RARB: variants seen among roughly 807,000 people sequenced by gnomAD.
RARB encodes HBV-activated protein.
Under a neutral mutation model 51.9 loss-of-function variants are expected in RARB, and 17 were observed. The observed-to-expected ratio is 0.33, with a 90% confidence interval of 0.22 to 0.49. RARB has a LOEUF of 0.49. RARB is among the 20% of genes least tolerant of loss of function. RARB has a pLI of 0.99. For missense variants in RARB, 369 were observed against 550.8 expected, an observed-to-expected ratio of 0.67 and a Z score of 3.30; for synonymous variants, 215 against 195.4, an observed-to-expected ratio of 1.10 and a Z score of -0.84.
At chr3:25,415,258 A>G (rs570886796) in intron 5 of RARB, among the ~76,000 whole-genome samples, 1 of 152,306 alleles carries the variant, frequency 6.6e-6, no homozygotes, top group East Asian at 1.9e-4. Context: ...TGCCATATCT[A>G]AAAAATCATT....
chr3:25,578,820 A>G (rs1035838451), intron 4 of RARB, among the ~76,000 whole-genome samples: 1 of 152,230 alleles, frequency 6.6e-6, no homozygotes, highest in Non-Finnish European at 1.5e-5. Flanking sequence ...AGCAAGAGCT[A>G]GTTTTATTCA....
chr3:25,014,311 C>T lies in RARB; in HGVS notation c.-379-45814C>T, dbSNP rs573715629. Among the ~76,000 whole-genome samples, 20 of 151,954 alleles carry T rather than the reference C, an allele frequency of 1.3e-4. No homozygotes were observed. In the East Asian group the frequency reaches 1.4e-3, roughly 10 times the overall value. On this transcript the variant is annotated intron_variant, in intron 2 of 11. Coordinates refer to the RARB transcript ENST00000383772. ...GGTTCATGTTGTGCCAGTTCTGGGC[C>T]GAGGCCTCAAGAGTCTTGGAAGCTC...
At chr3:25,400,703 A>G (rs1342405976) in intron 5 of RARB, among the ~76,000 whole-genome samples, 3 of 152,150 alleles carry the variant, frequency 2.0e-5, no homozygotes, top group Non-Finnish European at 4.4e-5. Context: ...AGTTCCTGGC[A>G]TATAGAATAA....
intron 5 of RARB, among the ~76,000 whole-genome samples, chr3:25,205,278 A>G (rs1701509453): frequency 6.6e-6 from 1 of 152,138 alleles, no homozygotes; most frequent in South Asian, 2.1e-4. Flanking sequence ...TCAGAAAAGC[A>G]CAGTATTAGG....
At chr3:25,589,333 G>C (rs1701524953) in intron 5 of RARB, among the ~76,000 whole-genome samples, 1 of 152,196 alleles carries the variant, frequency 6.6e-6, no homozygotes, top group African/African-American at 2.4e-5. Context: ...GAAAGGAGGA[G>C]TAGTTAAAGT....
At chr3:25,009,253 T>C (rs1195311795) in intron 2 of RARB, among the ~76,000 whole-genome samples, 1 of 152,146 alleles carries the variant, frequency 6.6e-6, no homozygotes, top group Non-Finnish European at 1.5e-5. Context: ...AAGGGTAGAA[T>C]GGCTGACAGA....
intron 5 of RARB, among the ~76,000 whole-genome samples, chr3:25,346,116 C>G (rs1350023888): frequency 6.6e-6 from 1 of 152,162 alleles, no homozygotes; most frequent in East Asian, 1.9e-4. Flanking sequence ...AGGCCTCTCT[C>G]CATGTAGTCT....
At chr3:25,523,287 G>C (rs1342692303) in intron 3 of RARB, among the ~76,000 whole-genome samples, 1 of 152,118 alleles carries the variant, frequency 6.6e-6, no homozygotes, top group Non-Finnish European at 1.5e-5. Context: ...CTTATAAATA[G>C]AAAGACTTTT....
At chr3:25,263,189 G>A (rs781734895) in intron 5 of RARB, among the ~76,000 whole-genome samples, 4 of 152,106 alleles carry the variant, frequency 2.6e-5, no homozygotes, top group African/African-American at 7.2e-5. Context: ...TGCTCTAGCC[G>A]ATAATAAAAT....
intron 3 of RARB, among the ~76,000 whole-genome samples, chr3:25,124,707 G>A (rs941996158): frequency 1.3e-5 from 2 of 152,200 alleles, no homozygotes; most frequent in African/African-American, 4.8e-5. Context: ...TTTTGACCTG[G>A]AGACAAGTTG....
At chr3:25,155,091 T>C (rs893144047) in intron 4 of RARB, among the ~76,000 whole-genome samples, 2 of 152,246 alleles carry the variant, frequency 1.3e-5, no homozygotes, top group African/African-American at 2.4e-5. Flanking sequence ...ATTTAGATTT[T>C]ATCACTATTC....
chr3:24,997,036 C>T (rs749721787), intron 2 of RARB, among the ~76,000 whole-genome samples: 1 of 151,018 alleles, frequency 6.6e-6, no homozygotes, highest in African/African-American at 2.5e-5. Context: ...CACGATCCGT[C>T]GAATATTGAG....
chr3:25,313,775 G>GA (rs1378542735), intron 5 of RARB, among the ~76,000 whole-genome samples: 2 of 151,988 alleles, frequency 1.3e-5, no homozygotes, highest in African/African-American at 4.8e-5. Flanking sequence ...TTTTCTACGA[G>GA]AAAAAAATAA....
chr3:24,847,070 G>A (rs1293383395), intron 1 of RARB, among the ~76,000 whole-genome samples: 2 of 152,136 alleles, frequency 1.3e-5, no homozygotes, highest in African/African-American at 4.8e-5. Flanking sequence ...ACAGGTCTGG[G>A]ATGGTGCCTG....
intron 3 of RARB, among the ~76,000 whole-genome samples, chr3:25,526,295 CAA>C (rs1698644111): frequency 6.6e-6 from 1 of 152,108 alleles, no homozygotes; most frequent in Non-Finnish European, 1.5e-5. Context: ...AAGAGGAAGC[CAA>C]AGGGTGGTGT....
intron 5 of RARB, among the ~76,000 whole-genome samples, chr3:25,370,589 C>T (rs1706269057): frequency 6.6e-6 from 1 of 152,180 alleles, no homozygotes; most frequent in Non-Finnish European, 1.5e-5. Context: ...CTGACTCCAG[C>T]ATGGCTTAGG....
intron 1 of RARB, among the ~76,000 whole-genome samples, chr3:24,838,927 GT>G (rs71295101): frequency 1.1e-3 from 156 of 146,170 alleles, no homozygotes; most frequent in Middle Eastern, 7.1e-3. Flanking sequence ...AAATCTCCAG[GT>G]TTTTTTTTTT....
At chr3:25,261,465 T>C (rs1702996086) in intron 5 of RARB, among the ~76,000 whole-genome samples, 4 of 152,148 alleles carry the variant, frequency 2.6e-5, no homozygotes, top group Non-Finnish European at 5.9e-5. Flanking sequence ...TTTCAGCCTA[T>C]CACTCTTCTC....
At chr3:24,847,538 T>C (rs1702500209) in intron 1 of RARB, among the ~76,000 whole-genome samples, 1 of 152,204 alleles carries the variant, frequency 6.6e-6, no homozygotes, top group Admixed American at 6.5e-5. Flanking sequence ...CAATAATCCC[T>C]AAGTGGCTCT....
Sources: allele counts gnomAD v4.1 joint callset (sites outside exome capture counted in the v4.1 genomes callset), GRCh38; gene constraint gnomAD v4.1.1; transcripts MANE v1.5; gene names NCBI Gene and HGNC (gene_info 2026-07-23, HGNC 2026-07-21).